Variants in ITGAX observed in about 807,000 individuals in gnomAD.
ITGAX encodes integrin subunit alpha X.
ITGAX carries 99 observed loss-of-function variants against 140.2 expected under a neutral mutation model. The ratio of observed to expected loss-of-function variants is 0.71; its 90% CI spans 0.60 to 0.83. The LOEUF (loss-of-function observed/expected upper bound fraction) is 0.83, where lower values mean the gene tolerates loss of function less well. Among genes scored for constraint, ITGAX ranks in the 40% least tolerant of loss-of-function variants. ITGAX has a pLI of 0.00. For synonymous variants in ITGAX, 631 were observed against 600.4 expected, an observed-to-expected ratio of 1.05 and a Z score of -0.75; for missense variants, 1,444 against 1,482.0, an observed-to-expected ratio of 0.97 and a Z score of 0.42.
chr16:31,361,493 G>T, intron 9 of ITGAX: 1 of 669,112 alleles, frequency 1.5e-6, no homozygotes, highest in East Asian at 2.7e-5. Flanking sequence ...GCCCAACCCA[G>T]GAGACCCTTC....
intron 11 of ITGAX, 51 bp downstream of exon 11, chr16:31,362,255 T>TG (rs2080836581): frequency 6.7e-7 from 1 of 1,482,670 alleles, no homozygotes. Flanking sequence ...CTGCCCAGGG[T>TG]GGGGTCCAGG....
chr16:31,382,013 T>C lies in ITGAX; in HGVS notation c.*106T>C. ...GAACCACTGCACCACCGAGAGAGGC[T>C]GGGATGGGCCTGCTTCCTGTCTTTG... On this transcript the variant is annotated 3_prime_UTR_variant, in exon 30 of 30. Transcript: ENST00000268296. The C allele has an allele frequency of 6.8e-7, 1 of 1,481,010 alleles. No homozygotes were observed. The highest frequency in any genetic ancestry group is 1.3e-5 in the South Asian group (1 of 75,154). The allele number at this position is 1,481,010 out of a possible 1,614,324, so 91.7% of individuals were successfully genotyped here. A position where few individuals can be genotyped will look rare whatever the true frequency, so the allele number is the denominator to read the frequency against.
chr16:31,380,520 C>A lies in ITGAX; in HGVS notation c.3175-3C>A. On this transcript the variant is annotated splice_polypyrimidine_tract_variant and splice_region_variant and intron_variant, in intron 27 of 29. Coordinates refer to ENST00000268296, the MANE Select transcript of ITGAX (RefSeq NM_000887.5). The stretch of plus-strand genomic sequence containing the variant: ...CAACAGGTTTCCCCCAACCCCTTTG[C>A]AGATATTGCAGAAGAAGGTGTCGGT... 6.2e-7 allele frequency: 1 copy of A among 1,614,240 alleles called. No homozygotes were observed. Among genetic ancestry groups the A allele is most frequent in the Non-Finnish European group, 8.5e-7 (1 of 1,180,036 alleles).
chr16:31,362,621 C>T lies in ITGAX; in HGVS notation c.1227C>T (p.Thr409=), dbSNP rs74413955. The change falls in exon 12 of 30, where the codon ACC becomes ACT. Residue 409 remains threonine (T), a synonymous_variant. Transcript: ENST00000268296. The part of the protein sequence containing the change: ...DMRDSYLGYS[T]ELALWKGVQS... ...GCCTGGGCCCCTCAGGTTACTCCAC[C>T]GAGCTGGCCCTCTGGAAAGGGGTGC... 4.7e-4 allele frequency: 754 copies of T among 1,611,548 alleles called. 4 individuals are homozygous for T. The African/African-American group carries it at 8.1e-3, about 17-fold the overall frequency.
chr16:31,372,706 CA>C, intron 19 of ITGAX, 36 bp downstream of exon 19: 1 of 1,586,058 alleles, frequency 6.3e-7, no homozygotes, highest in Non-Finnish European at 8.6e-7. Flanking sequence ...CCTACTGCCC[CA>C]GCCTCCTTCC....
chr16:31,374,603 C>A (rs1007760764), intron 20 of ITGAX, among the ~76,000 whole-genome samples: 2 of 152,108 alleles, frequency 1.3e-5, no homozygotes, highest in African/African-American at 4.8e-5. Flanking sequence ...CCACACCTGG[C>A]TAATTTTTTA....
chr16:31,368,387 A>T (rs945839782), intron 14 of ITGAX, among the ~76,000 whole-genome samples: 8 of 150,932 alleles, frequency 5.3e-5, no homozygotes, highest in African/African-American at 1.9e-4. Context: ...AATCCCAGCT[A>T]CTCAGGAGGC....
At position 31,382,228 on chromosome 16, in the gene ITGAX, C is replaced by CTTTTTTTTTTTTTTTTTTTTTTTT; in HGVS notation, c.*336_*337insTTTTTTTTTTTTTTTTTTTTTTTT. 5 of 902,770 alleles carry CTTTTTTTTTTTTTTTTTTTTTTTT rather than the reference C, an allele frequency of 5.5e-6. No homozygotes were observed. Among genetic ancestry groups the CTTTTTTTTTTTTTTTTTTTTTTTT allele is most frequent in the South Asian group, 2.2e-5 (1 of 45,500 alleles). 55.9% of individuals were successfully genotyped at this position (902,770 alleles called of 1,614,324 possible). A position where few individuals can be genotyped will look rare whatever the true frequency, so the allele number is the denominator to read the frequency against. On this transcript the variant is annotated 3_prime_UTR_variant, in exon 30 of 30. Coordinates refer to ENST00000268296, the MANE Select transcript of ITGAX (RefSeq NM_000887.5). Reference sequence around the variant, plus strand: ...GGCACGAATGATCTTTCTTTCCTTTCTTTTTTTTTTTTTTTCTTTTCTTTT... The same window carrying CTTTTTTTTTTTTTTTTTTTTTTTT: ...GGCACGAATGATCTTTCTTTCCTTTCTTTTTTTTTTTTTTTTTTTTTTTTTTTTTTTTTTTTTTTCTTTTCTTTT...
rs1484524051 is a variant in ITGAX at position 31,363,252 on chromosome 16, G to T, written c.1588G>T (p.Asp530Tyr). 1 of 1,613,872 alleles carries T rather than the reference G, an allele frequency of 6.2e-7. No individual in the cohort carries two copies. Among genetic ancestry groups the T allele is most frequent in the African/African-American group, 1.3e-5 (1 of 74,890 alleles). ...TGGGGCGGCTCTGACAGTGCTGGGG[G>T]ATGTGAATGGGGACAAGCTGACAGA... ...RFGAALTVLG[D>Y]VNGDKLTDVV... The change falls in exon 14 of 30, where the codon GAT becomes TAT. Residue 530 changes from aspartate to tyrosine, a missense_variant. Physicochemically the swap from Asp to Tyr is radical, Grantham distance 160 (BLOSUM62 -3). Coordinates refer to ENST00000268296, the MANE Select transcript of ITGAX (RefSeq NM_000887.5).
At position 31,363,043 on chromosome 16, in the gene ITGAX, G is replaced by A; in HGVS notation, c.1468G>A (p.Gly490Ser). 1 of 1,612,104 alleles carries A rather than the reference G, an allele frequency of 6.2e-7. No individual in the cohort carries two copies. Among genetic ancestry groups the A allele is most frequent in the Non-Finnish European group, 8.5e-7 (1 of 1,179,684 alleles). Reference sequence around the variant, plus strand: ...CCATTACTACGAGCAGACCCGAGGGGGCCAGGTGTCTGTGTGTCCCTTGCC... The same window carrying A: ...CCATTACTACGAGCAGACCCGAGGGAGCCAGGTGTCTGTGTGTCCCTTGCC... Reference protein sequence around the residue: ...APHYYEQTRGGQVSVCPLPRG... With the variant: ...APHYYEQTRGSQVSVCPLPRG... Residue 490 changes from glycine to serine, a missense_variant, in exon 13 of 30, where the codon GGC becomes AGC. Physicochemically the swap from Gly to Ser is moderately conservative, Grantham distance 56. Coordinates refer to ENST00000268296, the MANE Select transcript of ITGAX (RefSeq NM_000887.5).
At position 31,371,078 on chromosome 16, in the gene ITGAX, G is replaced by GATTCA; in HGVS notation, c.1711-6_1711-5insATTCA. The GATTCA allele has an allele frequency of 6.2e-7, 1 of 1,613,812 alleles. No homozygotes were observed. The highest frequency in any genetic ancestry group is 1.3e-5 in the African/African-American group (1 of 75,002). ...ATCTTGATTCACCCTTCTCTCCTCTGGCCAGCGGATCGCGGGCTCCCAGCT... is the reference window on the plus strand; with the variant it reads ...ATCTTGATTCACCCTTCTCTCCTCTGATTCAGCCAGCGGATCGCGGGCTCCCAGCT... On this transcript the variant is annotated splice_polypyrimidine_tract_variant and splice_region_variant and intron_variant, in intron 14 of 29. Transcript: ENST00000268296.
In ITGAX at chr16:31,377,316, AAAG is replaced by A. The variant is rs752234291; in HGVS notation, c.2789+54_2789+56del. The A allele has an allele frequency of 5.0e-6, 7 of 1,390,988 alleles. No homozygotes were observed. In the African/African-American group the frequency reaches 1.2e-4, roughly 23 times the overall value. The allele number at this position is 1,390,988 out of a possible 1,614,324, so 86.2% of individuals were successfully genotyped here. On this transcript the variant is annotated intron_variant, in intron 23 of 29. Coordinates refer to ENST00000268296, the MANE Select transcript of ITGAX (RefSeq NM_000887.5). ...AAAGGGTTCTTCTCTCTGACCTCAA[AAAG>A]AAAAAAAAAAAAAGGCCTTGAAACG...
chr16:31,372,770 G>C, intron 19 of ITGAX, 100 bp downstream of exon 19: 1 of 1,194,434 alleles, frequency 8.4e-7, no homozygotes, highest in Non-Finnish European at 1.2e-6. Context: ...TCATCCTATA[G>C]TCAAAACCCA....
rs190655496 is a variant in ITGAX at position 31,356,793 on chromosome 16, T to C, written c.247+65T>C. The C allele has an allele frequency of 3.0e-4, 364 of 1,203,432 alleles. 2 individuals carry two copies. The highest frequency in any genetic ancestry group is 2.9e-3 in the African/African-American group (191 of 66,176). 74.5% of individuals were successfully genotyped at this position (1,203,432 alleles called of 1,614,324 possible). A position where few individuals can be genotyped will look rare whatever the true frequency, so the allele number is the denominator to read the frequency against. On this transcript the variant is annotated intron_variant, in intron 3 of 29. Transcript: ENST00000268296. ...CAGGCTTCCCTGCTCCAGGGGCCCG[T>C]GGACTCACCGGAGTGTCACTTTCAG...
chr16:31,363,232 C>T lies in ITGAX; in HGVS notation c.1568C>T (p.Ala523Val), dbSNP rs200458998. 1.2e-5 allele frequency: 19 copies of T among 1,613,430 alleles called. No individual in the cohort carries two copies. The highest frequency in any genetic ancestry group is 8.8e-5 in the South Asian group (8 of 91,048). Residue 523 changes from alanine (A) to valine (V), a missense_variant, in exon 14 of 30, where the codon GCG (alanine) becomes GTG (valine). Ala to Val is a moderately conservative substitution (Grantham distance 64). Transcript: ENST00000268296. ...EQGHPWGRFGAALTVLGDVNG... is the reference protein window; with the variant it reads ...EQGHPWGRFGVALTVLGDVNG... ...GGCCACCCCTGGGGTCGCTTTGGGGCGGCTCTGACAGTGCTGGGGGATGTG... is the reference window on the plus strand; with the variant it reads ...GGCCACCCCTGGGGTCGCTTTGGGGTGGCTCTGACAGTGCTGGGGGATGTG...
chr16:31,372,308 CTG>C, intron 17 of ITGAX, 68 bp from the exon 18 acceptor site: 2 of 1,543,400 alleles, frequency 1.3e-6, no homozygotes, highest in Non-Finnish European at 8.7e-7. Flanking sequence ...AGGATAAGAA[CTG>C]CGGATGAGGC....
At chr16:31,355,836 G>A in intron 1 of ITGAX, 57 bp from the exon 2 acceptor site, 2 of 1,370,222 alleles carry the variant, frequency 1.5e-6, no homozygotes, top group East Asian at 4.6e-5. Context: ...GGGGGTGGAG[G>A]GCAGCCAGGC....
chr16:31,360,239 A>G, intron 7 of ITGAX, 71 bp from the exon 8 acceptor site: 1 of 1,533,248 alleles, frequency 6.5e-7, no homozygotes, highest in Non-Finnish European at 8.8e-7. Context: ...GCATCTTCTA[A>G]TTTTCACAAG....
intron 5 of ITGAX, among the ~76,000 whole-genome samples, chr16:31,358,627 C>A (rs1217182435): frequency 6.6e-6 from 1 of 151,504 alleles, no homozygotes; most frequent in Non-Finnish European, 1.5e-5. Flanking sequence ...TTTAACAAAA[C>A]TACCATTCAG....
Sources: allele counts gnomAD v4.1 joint callset (sites outside exome capture counted in the v4.1 genomes callset), GRCh38; gene constraint gnomAD v4.1.1; transcripts MANE v1.5; gene names NCBI Gene and HGNC (gene_info 2026-07-23, HGNC 2026-07-21).